NPAS3: variants seen among roughly 807,000 people sequenced by gnomAD.
The protein encoded by NPAS3 is neuronal PAS domain protein 3.
In NPAS3, 14 loss-of-function variants were observed where a neutral mutation model predicts 73.1. The ratio of observed to expected loss-of-function variants is 0.19; its 90% CI spans 0.13 to 0.30. NPAS3 has a LOEUF of 0.30. Ranked by LOEUF, NPAS3 falls within the 10% of genes least tolerant of loss-of-function variation. The pLI, the probability that NPAS3 is intolerant of heterozygous loss-of-function variation, is 1.00. For missense variants in NPAS3, 1,096 were observed against 1,250.0 expected (o/e 0.88, Z 1.86); for synonymous variants, 620 against 541.5 (o/e 1.14, Z -2.01).
At chr14:33,705,312 C>CAGTT (rs1201333064) in intron 6 of NPAS3, among the ~76,000 whole-genome samples, 1 of 152,132 alleles carries the variant, frequency 6.6e-6, no homozygotes, top group African/African-American at 2.4e-5. Context: ...AGCATCTACA[C>CAGTT]AGTTAGTTCA....
chr14:33,145,612 G>A (rs2139203941), intron 2 of NPAS3, among the ~76,000 whole-genome samples: 1 of 152,114 alleles, frequency 6.6e-6, no homozygotes, highest in Non-Finnish European at 1.5e-5. Flanking sequence ...GTCCTTCTGA[G>A]GTCTAGAAGA....
upstream of NPAS3, among the ~76,000 whole-genome samples, chr14:32,938,298 ACTGTGTCCTGCCCCAGCTCGCTC>A (rs1201887693): frequency 2.0e-5 from 3 of 151,882 alleles, no homozygotes; most frequent in African/African-American, 7.3e-5. Flanking sequence ...AGCTCCCGGG[ACTGTGTCCTGCCCCAGCTCGCTC>A]CTGTGGCCTC....
In NPAS3 at chr14:33,154,956, A is replaced by T. The variant is rs1447993008; in HGVS notation, c.141-60226A>T. On this transcript the variant is annotated intron_variant, in intron 2 of 11. Transcript: ENST00000356141. ...TGGTAAAGATTTCCATGTTTCTATAAATATTTATGGACACTGCAATTTGAG... is the reference window on the plus strand; with the variant it reads ...TGGTAAAGATTTCCATGTTTCTATATATATTTATGGACACTGCAATTTGAG... 3.3e-5 allele frequency among the ~76,000 whole-genome samples: 5 copies of T among 152,284 alleles called. No homozygotes were observed. In the East Asian group the frequency reaches 7.7e-4, roughly 24 times the overall value.
intron 2 of NPAS3, among the ~76,000 whole-genome samples, chr14:33,062,622 G>C (rs918164408): frequency 2.6e-5 from 4 of 152,194 alleles, no homozygotes; most frequent in African/African-American, 7.2e-5. Context: ...AAAAATAATT[G>C]GTTGGTGACA....
At chr14:33,621,520 A>G (rs2058073884) in intron 5 of NPAS3, among the ~76,000 whole-genome samples, 2 of 152,178 alleles carry the variant, frequency 1.3e-5, no homozygotes, top group Non-Finnish European at 2.9e-5. Flanking sequence ...TAATGGAGGA[A>G]TCTAATTTTA....
intron 3 of NPAS3, among the ~76,000 whole-genome samples, chr14:33,220,875 C>T (rs1174911092): frequency 6.6e-6 from 1 of 152,180 alleles, no homozygotes; most frequent in Non-Finnish European, 1.5e-5. Flanking sequence ...CCCTCAGCTC[C>T]AGACAGTGAC....
chr14:33,798,340 A>C (rs1267783439), intron 11 of NPAS3, among the ~76,000 whole-genome samples: 1 of 152,190 alleles, frequency 6.6e-6, no homozygotes, highest in Non-Finnish European at 1.5e-5. Context: ...TTCCAGAGAC[A>C]CACATAAGGC....
chr14:33,136,064 T>TC (rs943232996), intron 2 of NPAS3, among the ~76,000 whole-genome samples: 1 of 138,140 alleles, frequency 7.2e-6, no homozygotes, highest in African/African-American at 3.2e-5. Context: ...TTTTCTTTTT[T>TC]TTTTTTTTTT....
intron 4 of NPAS3, among the ~76,000 whole-genome samples, chr14:33,527,931 C>T (rs370769527): frequency 6.6e-6 from 1 of 152,052 alleles, no homozygotes; most frequent in South Asian, 2.1e-4. Flanking sequence ...CATTTCAACA[C>T]AAGGAATCCA....
chr14:33,425,347 T>C (rs1313619419), intron 4 of NPAS3, among the ~76,000 whole-genome samples: 1 of 152,006 alleles, frequency 6.6e-6, no homozygotes, highest in Non-Finnish European at 1.5e-5. Context: ...AAAGGGATGT[T>C]TTTAGATGGC....
At chr14:33,345,612 T>G in intron 3 of NPAS3, among the ~76,000 whole-genome samples, 1 of 152,234 alleles carries the variant, frequency 6.6e-6, no homozygotes, top group Non-Finnish European at 1.5e-5. Flanking sequence ...ATTCTTGAAG[T>G]TAACTTCCTT....
At chr14:33,761,509 GAAA>G (rs35319622) in intron 7 of NPAS3, among the ~76,000 whole-genome samples, 1 of 134,972 alleles carries the variant, frequency 7.4e-6, no homozygotes, top group African/African-American at 2.6e-5. Flanking sequence ...TTCCCCAGAA[GAAA>G]AAAAAAAAAA....
intron 5 of NPAS3, among the ~76,000 whole-genome samples, chr14:33,581,854 G>C (rs1265111781): frequency 6.6e-6 from 1 of 152,198 alleles, no homozygotes; most frequent in Non-Finnish European, 1.5e-5. Flanking sequence ...GATTATAGGA[G>C]TGAGCCACCA....
At chr14:33,203,437 C>T (rs183887517) in intron 2 of NPAS3, among the ~76,000 whole-genome samples, 5 of 152,178 alleles carry the variant, frequency 3.3e-5, no homozygotes, top group African/African-American at 1.2e-4. Context: ...TCGTCATTTA[C>T]ATGAGGTATA....
At chr14:33,720,250 G>A (rs1304482664) in intron 6 of NPAS3, among the ~76,000 whole-genome samples, 2 of 152,148 alleles carry the variant, frequency 1.3e-5, no homozygotes, top group Non-Finnish European at 2.9e-5. Context: ...TTTATTACCT[G>A]TTAGGAAGAA....
At chr14:33,278,828 G>C (rs187321744) in intron 3 of NPAS3, among the ~76,000 whole-genome samples, 1 of 152,258 alleles carries the variant, frequency 6.6e-6, no homozygotes, top group East Asian at 1.9e-4. Flanking sequence ...CTTAAAAAAT[G>C]TTAAGAAGCT....
At chr14:33,312,764 G>C (rs1398050632) in intron 3 of NPAS3, among the ~76,000 whole-genome samples, 1 of 151,976 alleles carries the variant, frequency 6.6e-6, no homozygotes, top group African/African-American at 2.4e-5. Flanking sequence ...ATGTTGTGAG[G>C]ATGACTGAAA....
chr14:33,014,600 A>G (rs1340422918), intron 1 of NPAS3, among the ~76,000 whole-genome samples: 1 of 152,248 alleles, frequency 6.6e-6, no homozygotes, highest in Non-Finnish European at 1.5e-5. Context: ...TATTAAAATA[A>G]CAAGTCATAT....
intron 4 of NPAS3, among the ~76,000 whole-genome samples, chr14:33,520,705 C>T (rs571421142): frequency 1.6e-4 from 25 of 152,192 alleles, no homozygotes; most frequent in African/African-American, 5.8e-4. Context: ...CCAGTAATCT[C>T]TAATAATTTA....
Sources: allele counts gnomAD v4.1 joint callset (sites outside exome capture counted in the v4.1 genomes callset), GRCh38; gene constraint gnomAD v4.1.1; transcripts MANE v1.5; gene names NCBI Gene and HGNC (gene_info 2026-07-23, HGNC 2026-07-21).